The following SMIM14 variants were observed in gnomAD, a reference collection of about 807,000 sequenced individuals.
SMIM14 encodes the protein small integral membrane protein 14, also known as chromosome 4 open reading frame 34.
Under a neutral mutation model 12.6 loss-of-function variants are expected in SMIM14, and 5 were observed. The ratio of observed to expected loss-of-function variants is 0.40; its 90% confidence interval spans 0.21 to 0.83. SMIM14 has a LOEUF of 0.83. Ranked by LOEUF, SMIM14 falls within the 40% of genes least tolerant of loss-of-function variation. SMIM14 has a pLI of 0.37. For synonymous variants in SMIM14, 30 were observed against 40.1 expected (o/e 0.75, Z 0.95); for missense variants, 86 against 119.1 (o/e 0.72, Z 1.29).
At chr4:39,598,849 C>G (rs1449620476) in intron 2 of SMIM14, among the ~76,000 whole-genome samples, 1 of 152,018 alleles carries the variant, frequency 6.6e-6, no homozygotes, top group Non-Finnish European at 1.5e-5. Flanking sequence ...CCCCACACCC[C>G]CATCCACCGC....
intron 2 of SMIM14, among the ~76,000 whole-genome samples, chr4:39,575,004 TAGTAGACC>T: frequency 6.6e-6 from 1 of 151,620 alleles, no homozygotes; most frequent in South Asian, 2.1e-4. Context: ...GGCCTGGTGG[TAGTAGACC>T]TTGTTTCAAA....
chr4:39,558,430 C>A lies in SMIM14; in HGVS notation c.125-1860G>T, dbSNP rs1712121927. On this transcript the variant is annotated intron_variant, in intron 3 of 4. Coordinates refer to ENST00000295958, the MANE Select transcript of SMIM14 (RefSeq NM_174921.3). This position sits in a 1 kb window ranked among gnomAD's most constrained non-coding sequence, Gnocchi z 4.3. ...CTGCAGCTGCACAGATAAGCCTGGA[C>A]AGATAAGCAGCCAGTAAAGCAAACA... Among the ~76,000 whole-genome samples the A allele has an allele frequency of 2.0e-5, 3 of 152,222 alleles. No homozygotes were observed. The South Asian group carries it at 6.2e-4, about 31-fold the overall frequency.
intron 3 of SMIM14, among the ~76,000 whole-genome samples, chr4:39,561,677 T>C (rs905253182): frequency 2.6e-5 from 4 of 152,114 alleles, no homozygotes; most frequent in Non-Finnish European, 5.9e-5. Context: ...CCCAGCACTT[T>C]GGGAAGGTAA....
At chr4:39,571,597 A>T (rs187917998) in intron 3 of SMIM14, among the ~76,000 whole-genome samples, 73 of 152,136 alleles carry the variant, frequency 4.8e-4, no homozygotes, top group East Asian at 3.9e-3. Flanking sequence ...AAATTTTTTT[A>T]AATTAAAGAA....
In SMIM14 at chr4:39,551,928, T is replaced by C. The variant is rs867210475; in HGVS notation, c.*198A>G. On this transcript the variant is annotated 3_prime_UTR_variant, in exon 5 of 5. Transcript: ENST00000295958. Reference sequence around the variant, plus strand: ...AATATAATCATTCACTCAAATATACTGTAAATAGGAATGGCAGTAACACAG... The same window carrying C: ...AATATAATCATTCACTCAAATATACCGTAAATAGGAATGGCAGTAACACAG... 2.4e-6 allele frequency: 1 copy of C among 412,866 alleles called. No individual in the cohort carries two copies. The highest frequency in any genetic ancestry group is 4.8e-4 in the Middle Eastern group (1 of 2,092). 25.6% of individuals were successfully genotyped at this position (412,866 alleles called of 1,614,324 possible).
At chr4:39,586,710 C>A (rs1427065431) in intron 2 of SMIM14, among the ~76,000 whole-genome samples, 1 of 152,068 alleles carries the variant, frequency 6.6e-6, no homozygotes, top group South Asian at 2.1e-4. Flanking sequence ...GTTGCAAAGT[C>A]ACTTACCCGT....
At chr4:39,605,790 G>C (rs928487451) in intron 1 of SMIM14, among the ~76,000 whole-genome samples, 1 of 152,182 alleles carries the variant, frequency 6.6e-6, no homozygotes, top group Admixed American at 6.5e-5. Flanking sequence ...GCCCAGGCTG[G>C]AGTGCAGTGA....
intron 2 of SMIM14, among the ~76,000 whole-genome samples, chr4:39,599,554 G>T: frequency 6.6e-6 from 1 of 152,110 alleles, no homozygotes; most frequent in East Asian, 1.9e-4. Flanking sequence ...TGCACTGGAG[G>T]TGTGAAAAAT....
intron 2 of SMIM14, among the ~76,000 whole-genome samples, chr4:39,576,360 T>C (rs1713169189): frequency 6.6e-6 from 1 of 151,690 alleles, no homozygotes; most frequent in African/African-American, 2.4e-5. Context: ...CAGTGACACT[T>C]AAGTGCTATT....
At chr4:39,626,044 G>C (rs1465176012) in intron 1 of SMIM14, among the ~76,000 whole-genome samples, 1 of 152,118 alleles carries the variant, frequency 6.6e-6, no homozygotes, top group African/African-American at 2.4e-5. Context: ...ATTACCACCT[G>C]AGCATTACCA....
intron 3 of SMIM14, among the ~76,000 whole-genome samples, chr4:39,563,922 C>T (rs974737355): frequency 1.3e-5 from 2 of 151,666 alleles, no homozygotes; most frequent in African/African-American, 4.9e-5. Context: ...TCCTCTTCTT[C>T]TTCTTCTTCT....
intron 2 of SMIM14, among the ~76,000 whole-genome samples, chr4:39,584,355 A>G (rs1713667056): frequency 6.6e-6 from 1 of 150,874 alleles, no homozygotes. Context: ...GCTGGTGTGC[A>G]CCTATAATCC....
chr4:39,618,002 G>A (rs1197416822), intron 1 of SMIM14, among the ~76,000 whole-genome samples: 1 of 152,180 alleles, frequency 6.6e-6, no homozygotes, highest in African/African-American at 2.4e-5. Context: ...TCATCTGGAT[G>A]CTTACCATAG....
chr4:39,557,543 AG>A (rs1389149865), intron 3 of SMIM14, among the ~76,000 whole-genome samples: 1 of 152,138 alleles, frequency 6.6e-6, no homozygotes, highest in Non-Finnish European at 1.5e-5. Flanking sequence ...TAGATTAATG[AG>A]GCTAGGGGCC....
intron 1 of SMIM14, among the ~76,000 whole-genome samples, chr4:39,631,683 T>TA: frequency 6.6e-6 from 1 of 152,122 alleles, no homozygotes; most frequent in Middle Eastern, 3.4e-3. Context: ...ATAAATATGT[T>TA]AAAAGATAAA....
At chr4:39,559,959 A>G (rs1712214654) in intron 3 of SMIM14, among the ~76,000 whole-genome samples, 1 of 126,034 alleles carries the variant, frequency 7.9e-6, no homozygotes, top group Non-Finnish European at 1.6e-5. Context: ...TCTACAAAAA[A>G]TTAAAAAAAA....
intron 1 of SMIM14, among the ~76,000 whole-genome samples, chr4:39,609,474 TAGA>T (rs1423271091): frequency 1.3e-5 from 2 of 151,976 alleles, no homozygotes; most frequent in Non-Finnish European, 2.9e-5. Context: ...GAGGTAGAAG[TAGA>T]AGGTGTGAGA....
chr4:39,553,029 G>A (rs1181469123), intron 4 of SMIM14, among the ~76,000 whole-genome samples: 1 of 151,798 alleles, frequency 6.6e-6, no homozygotes, highest in Non-Finnish European at 1.5e-5. Flanking sequence ...GTCCAGGAGA[G>A]GGTAATCTTG....
intron 3 of SMIM14, among the ~76,000 whole-genome samples, chr4:39,563,310 C>T (rs1443598917): frequency 2.0e-5 from 3 of 152,186 alleles, no homozygotes; most frequent in South Asian, 4.1e-4. Context: ...GATCCACTCA[C>T]CTCAGCCTCC....
Sources: gnomAD v4.1 joint callset for allele counts (sites outside exome capture counted in the v4.1 genomes callset) on GRCh38, gnomAD v4.1.1 for gene constraint, Gnocchi (gnomAD v3.1) non-coding constraint, MANE v1.5 for transcripts, NCBI Gene and HGNC (gene_info 2026-07-23, HGNC 2026-07-21) for gene names.